Variants in TRIM44 observed in about 807,000 individuals in gnomAD.
TRIM44 encodes tripartite motif containing 44.
Under a neutral mutation model 37.4 loss-of-function variants are expected in TRIM44, and 13 were observed. That is an observed-to-expected ratio of 0.35 (90% CI 0.23 to 0.55). TRIM44 has a LOEUF of 0.55. TRIM44 is among the 20% of genes least tolerant of loss of function. The pLI is 0.89. For synonymous variants in TRIM44, 175 were observed against 157.2 expected (o/e 1.11, Z -0.85); for missense variants, 426 against 437.2 (o/e 0.97, Z 0.23).
intron 2 of TRIM44, among the ~76,000 whole-genome samples, chr11:35,691,061 C>A (rs1851631742): frequency 6.6e-6 from 1 of 152,172 alleles, no homozygotes; most frequent in Non-Finnish European, 1.5e-5. Context: ...CACAGTCCCC[C>A]ACAGCTCCAG....
At chr11:35,789,065 A>G (rs1359532488) in intron 4 of TRIM44, among the ~76,000 whole-genome samples, 5 of 152,194 alleles carry the variant, frequency 3.3e-5, no homozygotes, top group Non-Finnish European at 1.5e-5. Context: ...TCTCAAAAGA[A>G]TTCTCTCATC....
chr11:35,678,941 A>G (rs1055094684), intron 1 of TRIM44, among the ~76,000 whole-genome samples: 13 of 150,810 alleles, frequency 8.6e-5, no homozygotes, highest in African/African-American at 2.2e-4. Context: ...CTTTTCCACA[A>G]TTTCTCCCAG....
At chr11:35,759,322 AG>A (rs1426133722) in intron 4 of TRIM44, among the ~76,000 whole-genome samples, 1 of 152,164 alleles carries the variant, frequency 6.6e-6, no homozygotes, top group Non-Finnish European at 1.5e-5. Context: ...TTCGTCACGT[AG>A]TTCACATGCC....
intron 1 of TRIM44, among the ~76,000 whole-genome samples, chr11:35,677,191 AGGCC>A (rs1200563597): frequency 2.0e-5 from 3 of 152,216 alleles, no homozygotes; most frequent in Non-Finnish European, 2.9e-5. Flanking sequence ...ATTTGAATCC[AGGCC>A]TGACAAAGTA....
At chr11:35,768,352 T>G (rs1026996470) in intron 4 of TRIM44, among the ~76,000 whole-genome samples, 1 of 152,190 alleles carries the variant, frequency 6.6e-6, no homozygotes, top group African/African-American at 2.4e-5. Flanking sequence ...TAAAAGAAGC[T>G]AAATAATTTG....
chr11:35,801,645 G>T (rs1433144834), intron 4 of TRIM44, among the ~76,000 whole-genome samples: 1 of 152,092 alleles, frequency 6.6e-6, no homozygotes, highest in Non-Finnish European at 1.5e-5. Flanking sequence ...GGTGTTTAGG[G>T]TCTGAATGTG....
intron 2 of TRIM44, among the ~76,000 whole-genome samples, chr11:35,714,130 T>G (rs554744204): frequency 1.6e-4 from 24 of 152,248 alleles, no homozygotes; most frequent in South Asian, 1.2e-3. Context: ...ATAGGCTCCC[T>G]CTTTTCTTTA....
intron 2 of TRIM44, among the ~76,000 whole-genome samples, chr11:35,703,179 C>A (rs1851819333): frequency 6.6e-6 from 1 of 152,192 alleles, no homozygotes; most frequent in South Asian, 2.1e-4. Context: ...TGAGATAAAC[C>A]TGCAAGGCGG....
chr11:35,703,731 G>C (rs1192733868), intron 2 of TRIM44, among the ~76,000 whole-genome samples: 3 of 151,724 alleles, frequency 2.0e-5, no homozygotes, highest in Non-Finnish European at 4.4e-5. Context: ...CTAACAAACA[G>C]AAAGGACATC....
chr11:35,682,852 C>T (rs918985334), intron 1 of TRIM44, among the ~76,000 whole-genome samples: 3 of 152,130 alleles, frequency 2.0e-5, no homozygotes, highest in Non-Finnish European at 4.4e-5. Context: ...GGGATTCCTT[C>T]GTTGTCGTTT....
chr11:35,791,837 A>AG (rs1204401190), intron 4 of TRIM44, among the ~76,000 whole-genome samples: 2 of 152,156 alleles, frequency 1.3e-5, no homozygotes, highest in Admixed American at 6.5e-5. Flanking sequence ...CCTGAATGGT[A>AG]GAGATATCTG....
At chr11:35,779,973 T>C (rs1379759207) in intron 4 of TRIM44, among the ~76,000 whole-genome samples, 3 of 152,132 alleles carry the variant, frequency 2.0e-5, no homozygotes, top group Non-Finnish European at 4.4e-5. Flanking sequence ...GTATGTCTGT[T>C]TCAGTATCAT....
In TRIM44 at chr11:35,806,669, T is replaced by C. The variant is rs548394690; in HGVS notation, c.*284T>C. On this transcript the variant is annotated 3_prime_UTR_variant, in exon 5 of 5. Transcript: ENST00000299413. ...TTCAGGTAATCCCTCAATGGCTGCT[T>C]TGAACTTACTCAGGAAAGCCAGCCC... 1 of 377,568 alleles carries C rather than the reference T, an allele frequency of 2.6e-6. No homozygotes were observed. Among genetic ancestry groups the C allele is most frequent in the East Asian group, 4.4e-5 (1 of 22,720 alleles). The allele number at this position is 377,568 out of a possible 1,614,324, so 23.4% of individuals were successfully genotyped here. A position where few individuals can be genotyped will look rare whatever the true frequency, so the allele number is the denominator to read the frequency against.
At chr11:35,675,852 G>A (rs1275699252) in intron 1 of TRIM44, among the ~76,000 whole-genome samples, 3 of 151,926 alleles carry the variant, frequency 2.0e-5, no homozygotes, top group Non-Finnish European at 2.9e-5. Context: ...GGGAACTCTC[G>A]AGAAGTTATA....
At chr11:35,682,633 G>C (rs1044706809) in intron 1 of TRIM44, among the ~76,000 whole-genome samples, 1 of 152,186 alleles carries the variant, frequency 6.6e-6, no homozygotes, top group Non-Finnish European at 1.5e-5. Context: ...AGAGTGGGGT[G>C]GGGAGGTGGA....
chr11:35,685,359 TG>T, intron 2 of TRIM44, 23 bp downstream of exon 2: 1 of 1,601,408 alleles, frequency 6.2e-7, no homozygotes, highest in Non-Finnish European at 8.6e-7. Context: ...TGGAATTGAT[TG>T]GGTGTTGGTA....
chr11:35,775,968 G>A (rs911835622), intron 4 of TRIM44, among the ~76,000 whole-genome samples: 3 of 152,168 alleles, frequency 2.0e-5, no homozygotes, highest in Non-Finnish European at 4.4e-5. Flanking sequence ...TTGGTATCAG[G>A]ATGATGCTGG....
chr11:35,758,989 C>G (rs558094396), intron 4 of TRIM44, among the ~76,000 whole-genome samples: 102 of 152,256 alleles, frequency 6.7e-4, no homozygotes, highest in African/African-American at 2.3e-3. Flanking sequence ...TGGAGTTGCT[C>G]TTCTCAAGGA....
chr11:35,730,653 C>A (rs774788107), intron 3 of TRIM44, among the ~76,000 whole-genome samples: 3 of 152,046 alleles, frequency 2.0e-5, no homozygotes. Context: ...CATATGTCTC[C>A]ATTTATAAGT....
Sources: allele counts gnomAD v4.1 joint callset (sites outside exome capture counted in the v4.1 genomes callset), GRCh38; gene constraint gnomAD v4.1.1; transcripts MANE v1.5; gene names NCBI Gene and HGNC (gene_info 2026-07-23, HGNC 2026-07-21).